VPS36: variants seen among roughly 807,000 people sequenced by gnomAD.
The protein encoded by VPS36 is vacuolar protein sorting 36 homolog, also known as vacuolar protein-sorting-associated protein 36.
Under a neutral mutation model 63.5 loss-of-function variants are expected in VPS36, and 31 were observed. That is an observed-to-expected ratio of 0.49 (90% CI 0.37 to 0.66). The LOEUF (loss-of-function observed/expected upper bound fraction) is 0.66. Ranked by LOEUF, VPS36 falls within the 30% of genes least tolerant of loss-of-function variation. The pLI, the probability that VPS36 is intolerant of heterozygous loss-of-function variation, is 0.00. For missense variants in VPS36, 338 were observed against 463.7 expected, an observed-to-expected ratio of 0.73 and a Z score of 2.49; for synonymous variants, 138 against 157.2, an observed-to-expected ratio of 0.88 and a Z score of 0.91.
chr13:52,437,068 C>G (rs1386865784), intron 3 of VPS36, among the ~76,000 whole-genome samples: 1 of 142,740 alleles, frequency 7.0e-6, no homozygotes, highest in South Asian at 2.1e-4. Flanking sequence ...TTTTTTTTTT[C>G]TACCTAGTCA....
Position 52,413,778 on chromosome 13 carries a change from T to C in VPS36, c.*2052A>G, listed in dbSNP as rs550004123. On this transcript the variant is annotated 3_prime_UTR_variant, in exon 14 of 14. Coordinates refer to ENST00000378060, the MANE Select transcript of VPS36 (RefSeq NM_016075.4). Reference sequence around the variant, plus strand: ...ATTGGTTGTATTTAAACATAACTTCTACATTAGAGGGCCAAAATAACACCT... The same window carrying C: ...ATTGGTTGTATTTAAACATAACTTCCACATTAGAGGGCCAAAATAACACCT... 2.6e-5 allele frequency: 4 copies of C among 152,506 alleles called. No individual in the cohort carries two copies. In the South Asian group the frequency reaches 8.3e-4, roughly 32 times the overall value. 9.4% of individuals were successfully genotyped at this position (152,506 alleles called of 1,614,324 possible).
intron 6 of VPS36, 22 bp from the exon 7 acceptor site, chr13:52,427,241 G>T: frequency 1.2e-6 from 2 of 1,611,220 alleles, no homozygotes; most frequent in Non-Finnish European, 8.5e-7. Context: ...AATGAATTTT[G>T]GTTGAAATCC....
At chr13:52,429,662 T>C (rs535654056) in intron 6 of VPS36, among the ~76,000 whole-genome samples, 1 of 152,202 alleles carries the variant, frequency 6.6e-6, no homozygotes, top group Non-Finnish European at 1.5e-5. Context: ...TAATGGTCCG[T>C]ATGGTGAGCA....
At chr13:52,450,066 G>A (rs988043521) in intron 1 of VPS36, 2 of 987,786 alleles carry the variant, frequency 2.0e-6, no homozygotes, top group Non-Finnish European at 1.2e-6. Flanking sequence ...CTCACAGAAA[G>A]GCGAAACGGG....
intron 2 of VPS36, among the ~76,000 whole-genome samples, chr13:52,440,245 C>G (rs1171359322): frequency 6.6e-6 from 1 of 152,102 alleles, no homozygotes; most frequent in Admixed American, 6.6e-5. Context: ...TCCCAAAGTA[C>G]TGGGATTTAC....
At chr13:52,444,408 C>T (rs566896953) in intron 1 of VPS36, among the ~76,000 whole-genome samples, 3 of 151,146 alleles carry the variant, frequency 2.0e-5, no homozygotes, top group East Asian at 1.9e-4. Context: ...TGCAGTGAGC[C>T]GAGATCGCGC....
At chr13:52,442,289 T>A in intron 2 of VPS36, 88 bp downstream of exon 2, 1 of 1,214,312 alleles carries the variant, frequency 8.2e-7, no homozygotes, top group Non-Finnish European at 1.1e-6. Context: ...AGGTTACAGA[T>A]CAGCCTAGGC....
chr13:52,448,222 G>A (rs183371484), intron 1 of VPS36, among the ~76,000 whole-genome samples: 7 of 152,302 alleles, frequency 4.6e-5, no homozygotes, highest in African/African-American at 1.7e-4. Context: ...AATCTGGACT[G>A]CAGTCCCTAG....
chr13:52,436,288 A>G lies in VPS36; in HGVS notation c.351+2T>C. 6.3e-7 allele frequency: 1 copy of G among 1,596,448 alleles called. No individual in the cohort carries two copies. Among genetic ancestry groups the G allele is most frequent in the Non-Finnish European group, 8.6e-7 (1 of 1,167,346 alleles). On this transcript the variant is annotated splice_donor_variant, in intron 4 of 13. Coordinates refer to ENST00000378060, the MANE Select transcript of VPS36 (RefSeq NM_016075.4). LOFTEE classifies it high-confidence loss of function. ...TACGATTTTATTCATGTAGAAACTT[A>G]CCTCAATCTGGCCATGTTCTTTGAA...
rs539336505 is a variant in VPS36 at position 52,420,146 on chromosome 13, G to C, written c.841-2090C>G. On this transcript the variant is annotated intron_variant, in intron 10 of 13. Transcript: ENST00000378060. ...ATTCCCAGTTACTTGGGAGGCTGAG[G>C]CAGGAGAATTGCTTGAACCAGGGAG... 4.7e-4 allele frequency among the ~76,000 whole-genome samples: 71 copies of C among 151,366 alleles called. No homozygotes were observed. The Middle Eastern group carries it at 0.014, about 29-fold the overall frequency.
At chr13:52,438,673 G>A (rs920104383) in intron 3 of VPS36, among the ~76,000 whole-genome samples, 7 of 152,032 alleles carry the variant, frequency 4.6e-5, no homozygotes, top group African/African-American at 1.7e-4. Flanking sequence ...CTGTTACCCT[G>A]GTCTAATTGT....
chr13:52,426,086 A>G lies in VPS36; in HGVS notation c.640-20T>C. 6.2e-7 allele frequency: 1 copy of G among 1,606,576 alleles called. No individual in the cohort carries two copies. The highest frequency in any genetic ancestry group is 8.5e-7 in the Non-Finnish European group (1 of 1,178,018). ...GATGGTCTATAATAAAAAAGGAGAA[A>G]ATGCAGAATTAGTCTCTCCACCTCA... On this transcript the variant is annotated intron_variant, in intron 8 of 13. Coordinates refer to ENST00000378060, the MANE Select transcript of VPS36 (RefSeq NM_016075.4).
chr13:52,445,656 G>T (rs1383256550), intron 1 of VPS36, among the ~76,000 whole-genome samples: 2 of 106,354 alleles, frequency 1.9e-5, no homozygotes, highest in Admixed American at 9.8e-5. Context: ...AAAAAAAAAA[G>T]GCCGGGCGCA....
In VPS36 at chr13:52,416,017, C is replaced by G. The variant is rs1594110507; in HGVS notation, c.1067G>C (p.Arg356Thr). Residue 356 changes from arginine (R) to threonine (T), a missense_variant and splice_region_variant, in exon 13 of 14, where the codon AGG (arginine) becomes ACG (threonine). Physicochemically the swap from Arg to Thr is moderately conservative, Grantham distance 71. Transcript: ENST00000378060. ...AATGAAAGGTAAGAACCTTACTTAC[C>G]TTTCTTTGGCTAGGAGGACAGACAT... is the stretch of plus-strand genomic sequence containing the variant. ...VGMSVLLAKERLLLAEKMGHL... is the reference protein window; with the variant it reads ...VGMSVLLAKETLLLAEKMGHL... 6.2e-7 allele frequency: 1 copy of G among 1,613,806 alleles called. No homozygotes were observed. Among genetic ancestry groups the G allele is most frequent in the East Asian group, 2.2e-5 (1 of 44,868 alleles).
rs772410580 is a variant in VPS36, at chr13:52,427,018, C to G, written c.610G>C (p.Asp204His). 3 of 1,612,670 alleles carry G rather than the reference C, an allele frequency of 1.9e-6. No homozygotes were observed. Among genetic ancestry groups the G allele is most frequent in the East Asian group, 4.5e-5 (2 of 44,782 alleles). ...TCTTCTGTGATGTCACCTTGTTTGT[C>G]TTTAATTTTATTAGCAATTGATTTT... ...LSKSIANKIKDKQGDITEDET... is the reference protein window; with the variant it reads ...LSKSIANKIKHKQGDITEDET... Residue 204 changes from aspartate to histidine, a missense_variant, in exon 8 of 14, where the codon GAC (aspartate) becomes CAC (histidine). Asp to His is a moderately conservative substitution (Grantham distance 81). Transcript: ENST00000378060.
chr13:52,441,301 C>T (rs576346576), intron 2 of VPS36, among the ~76,000 whole-genome samples: 1 of 152,210 alleles, frequency 6.6e-6, no homozygotes, highest in South Asian at 2.1e-4. Flanking sequence ...TAAAATTTCA[C>T]AGGGGTCTGG....
At chr13:52,449,436 T>C (rs1226475866) in intron 1 of VPS36, among the ~76,000 whole-genome samples, 1 of 152,206 alleles carries the variant, frequency 6.6e-6, no homozygotes, top group African/African-American at 2.4e-5. Flanking sequence ...TACTCACTAA[T>C]ACAGGCAACA....
At chr13:52,426,120 A>G in intron 8 of VPS36, 54 bp from the exon 9 acceptor site, 1 of 1,592,392 alleles carries the variant, frequency 6.3e-7, no homozygotes, top group Admixed American at 1.8e-5. Context: ...CAATATTTGA[A>G]ATTCTTCCAT....
intron 6 of VPS36, 90 bp downstream of exon 6, chr13:52,433,572 T>A: frequency 9.5e-7 from 1 of 1,056,540 alleles, no homozygotes; most frequent in Non-Finnish European, 1.4e-6. Flanking sequence ...AAATATATTC[T>A]AAATTACAGA....
Sources: allele counts gnomAD v4.1 joint callset (sites outside exome capture counted in the v4.1 genomes callset), GRCh38; gene constraint gnomAD v4.1.1; transcripts MANE v1.5; gene names NCBI Gene and HGNC (gene_info 2026-07-23, HGNC 2026-07-21).